The following ABCD2 variants were observed in gnomAD, a reference collection of about 807,000 sequenced individuals.
ABCD2 encodes the protein ATP-binding cassette sub-family D member 2.
A neutral mutation model predicts 70.9 loss-of-function variants in ABCD2; 36 were observed. The observed-to-expected ratio is 0.51, with a 90% confidence interval of 0.39 to 0.67. The LOEUF (loss-of-function observed/expected upper bound fraction) is 0.67. Ranked by LOEUF, ABCD2 falls within the 30% of genes least tolerant of loss-of-function variation. The pLI is 0.00. For synonymous variants in ABCD2, 304 were observed against 306.9 expected (o/e 0.99, Z 0.10); for missense variants, 729 against 890.2 (o/e 0.82, Z 2.30).
chr12:39,598,695 C>T (rs1429731257), intron 6 of ABCD2, among the ~76,000 whole-genome samples: 2 of 152,162 alleles, frequency 1.3e-5, no homozygotes, highest in African/African-American at 2.4e-5. Context: ...CCACCCCACC[C>T]AGCCAGATTA....
At chr12:39,612,031 CCACAGTG>C (rs1942051867) in intron 2 of ABCD2, among the ~76,000 whole-genome samples, 1 of 151,962 alleles carries the variant, frequency 6.6e-6, no homozygotes, top group Non-Finnish European at 1.5e-5. Flanking sequence ...CAAAGTAAGA[CCACAGTG>C]AAGTACCACT....
chr12:39,591,650 T>A (rs1048453324), intron 6 of ABCD2, among the ~76,000 whole-genome samples: 17 of 152,158 alleles, frequency 1.1e-4, no homozygotes, highest in African/African-American at 3.6e-4. Flanking sequence ...AGACAGAGGT[T>A]GCAGTGAGCC....
In ABCD2 at chr12:39,595,292, G is replaced by T. The variant is rs1052080339; in HGVS notation, c.1646+5279C>A. 2.6e-5 allele frequency among the ~76,000 whole-genome samples: 4 copies of T among 152,240 alleles called. No homozygotes were observed. In the East Asian group the frequency reaches 5.8e-4, roughly 22 times the overall value. On this transcript the variant is annotated intron_variant, in intron 6 of 9. Coordinates refer to ENST00000308666, the MANE Select transcript of ABCD2 (RefSeq NM_005164.4). ...TATTAATCTGAAAATGAGAGGCAGT[G>T]AGTACAGAAGATTTGTATTCAAAGA... is the stretch of plus-strand genomic sequence containing the variant.
chr12:39,606,101 A>G (rs1163186256), intron 3 of ABCD2, among the ~76,000 whole-genome samples: 1 of 152,198 alleles, frequency 6.6e-6, no homozygotes, highest in Non-Finnish European at 1.5e-5. Flanking sequence ...GGGCAAATAT[A>G]AATATTTGGG....
chr12:39,619,454 T>G lies in ABCD2; in HGVS notation c.162A>C (p.Ala54=). ...LKQSGHGKKK[A]AAYPAAENTE... is the part of the protein sequence containing the mutation. ...TGTTCTCTGCAGCAGGGTAAGCTGCTGCTTTTTTCTTCCCGTGGCCAGATT... is the reference window on the plus strand; with the variant it reads ...TGTTCTCTGCAGCAGGGTAAGCTGCGGCTTTTTTCTTCCCGTGGCCAGATT... The change falls in exon 1 of 10, where the codon GCA becomes GCC. Residue 54 remains alanine (A), a synonymous_variant. Coordinates refer to ENST00000308666, the MANE Select transcript of ABCD2 (RefSeq NM_005164.4). The G allele has an allele frequency of 6.2e-7, 1 of 1,614,098 alleles. No individual in the cohort carries two copies. Among genetic ancestry groups the G allele is most frequent in the Non-Finnish European group, 8.5e-7 (1 of 1,180,040 alleles).
chr12:39,600,436 G>T, intron 6 of ABCD2, 135 bp downstream of exon 6: 1 of 899,014 alleles, frequency 1.1e-6, no homozygotes, highest in Non-Finnish European at 1.6e-6. Flanking sequence ...TTTGGGCTAA[G>T]TGAATTTTTA....
intron 6 of ABCD2, among the ~76,000 whole-genome samples, chr12:39,586,544 T>C (rs1941669207): frequency 6.6e-6 from 1 of 152,178 alleles, no homozygotes; most frequent in Non-Finnish European, 1.5e-5. Context: ...ACATTTTCTT[T>C]TTCTAAAAAA....
intron 7 of ABCD2, among the ~76,000 whole-genome samples, chr12:39,581,433 T>G (rs1046772312): frequency 6.6e-6 from 1 of 152,168 alleles, no homozygotes; most frequent in African/African-American, 2.4e-5. Flanking sequence ...GAAATTGTCA[T>G]TTTTTAAGTA....
the ABCD2 span, among the ~76,000 whole-genome samples, chr12:39,537,887 T>G: frequency 6.6e-6 from 1 of 152,320 alleles, no homozygotes; most frequent in East Asian, 1.9e-4. Flanking sequence ...AATTCCTGGT[T>G]GCTATCAATA....
At chr12:39,535,619 T>C in the ABCD2 span, among the ~76,000 whole-genome samples, 1 of 152,100 alleles carries the variant, frequency 6.6e-6, no homozygotes, top group African/African-American at 2.4e-5. Context: ...TTAGATAAAT[T>C]TTTTTTGCTT....
intron 2 of ABCD2, among the ~76,000 whole-genome samples, chr12:39,614,719 C>T (rs550977417): frequency 1.3e-5 from 2 of 152,098 alleles, no homozygotes; most frequent in South Asian, 4.1e-4. Flanking sequence ...TAAAAAAATT[C>T]TTTTGGCTAA....
chr12:39,548,447 A>C (rs1173644064), downstream of ABCD2, among the ~76,000 whole-genome samples: 3 of 152,028 alleles, frequency 2.0e-5, no homozygotes, highest in Admixed American at 6.6e-5. Context: ...AACTTGTCTC[A>C]TATAAACAAT....
intron 7 of ABCD2, among the ~76,000 whole-genome samples, chr12:39,581,544 C>T (rs956565650): frequency 3.3e-5 from 5 of 152,088 alleles, no homozygotes; most frequent in East Asian, 1.9e-4. Flanking sequence ...CTAGGGAAAA[C>T]TGTTGAAATA....
the ABCD2 span, among the ~76,000 whole-genome samples, chr12:39,540,356 A>G: frequency 1.3e-5 from 2 of 152,168 alleles, no homozygotes; most frequent in Non-Finnish European, 2.9e-5. Flanking sequence ...GATGGGTTTT[A>G]TTTAACCCTA....
chr12:39,546,245 A>C (rs1004255372), downstream of ABCD2, among the ~76,000 whole-genome samples: 1 of 151,982 alleles, frequency 6.6e-6, no homozygotes, highest in African/African-American at 2.4e-5. Context: ...CTCCTACAGT[A>C]ATTTTATTCA....
intron 6 of ABCD2, among the ~76,000 whole-genome samples, chr12:39,591,789 A>G (rs1351642797): frequency 6.6e-6 from 1 of 152,142 alleles, no homozygotes; most frequent in Non-Finnish European, 1.5e-5. Context: ...AATTTCTGTA[A>G]AAGTCAACTT....
rs1157887632 is a variant in ABCD2, at chr12:39,619,246, CATAG to C, written c.366_369del (p.Ile122MetfsTer10). ...ACGATTTTTCCATCCAGACCAGCCA[CATAG>C]ATAGAAAGAAAGGTTCTTGAGATTA... is the stretch of plus-strand genomic sequence containing the variant. On this transcript the variant is annotated frameshift_variant, in exon 1 of 10. Coordinates refer to ENST00000308666, the MANE Select transcript of ABCD2 (RefSeq NM_005164.4). LOFTEE classifies it high-confidence loss of function. 4.3e-6 allele frequency: 7 copies of C among 1,613,996 alleles called. No homozygotes were observed. Among genetic ancestry groups the C allele is most frequent in the East Asian group, 2.2e-5 (1 of 44,898 alleles).
At chr12:39,592,320 C>A (rs1306657694) in intron 6 of ABCD2, among the ~76,000 whole-genome samples, 1 of 152,140 alleles carries the variant, frequency 6.6e-6, no homozygotes, top group African/African-American at 2.4e-5. Flanking sequence ...TGCAACATAC[C>A]TACTGCAAGC....
At chr12:39,557,189 G>C (rs57847223) in intron 9 of ABCD2, among the ~76,000 whole-genome samples, 1 of 152,070 alleles carries the variant, frequency 6.6e-6, no homozygotes, top group African/African-American at 2.4e-5. Flanking sequence ...AGATGAAGAT[G>C]AGAATCTTCT....
Sources: allele counts gnomAD v4.1 joint callset (sites outside exome capture counted in the v4.1 genomes callset), GRCh38; gene constraint gnomAD v4.1.1; transcripts MANE v1.5; gene names NCBI Gene and HGNC (gene_info 2026-07-23, HGNC 2026-07-21).